PCYT2: variants seen among roughly 807,000 people sequenced by gnomAD.
The protein encoded by PCYT2 is ethanolamine-phosphate cytidylyltransferase.
Under a neutral mutation model 50.0 loss-of-function variants are expected in PCYT2, and 33 were observed. The observed-to-expected ratio is 0.66, with a 90% CI of 0.50 to 0.88. The LOEUF (loss-of-function observed/expected upper bound fraction) is 0.88. Ranked by LOEUF, PCYT2 falls within the 40% of genes least tolerant of loss-of-function variation. The pLI is 0.00. For missense variants in PCYT2, 430 were observed against 519.7 expected (o/e 0.83, Z 1.68); for synonymous variants, 240 against 203.7 (o/e 1.18, Z -1.52).
Position 81,907,256 on chromosome 17 carries a change from G to T in PCYT2, c.537+298C>A. ...GTCCCCGGCGGGTATCGGGTGAGGG[G>T]GCTACAATGGGAGAGAGGGCCAGGC... is the stretch of plus-strand genomic sequence containing the variant. On this transcript the variant is annotated intron_variant, in intron 6 of 12. Transcript: ENST00000538936. 2.0e-6 allele frequency: 3 copies of T among 1,533,116 alleles called. No homozygotes were observed. The highest frequency in any genetic ancestry group is 2.6e-6 in the Non-Finnish European group (3 of 1,145,314). The allele number at this position is 1,533,116 out of a possible 1,614,324, so 95.0% of individuals were successfully genotyped here. A position where few individuals can be genotyped will look rare whatever the true frequency, so the allele number is the denominator to read the frequency against.
At chr17:81,909,467 A>C (rs778482460) in intron 2 of PCYT2, 47 bp downstream of exon 2, 2 of 1,558,458 alleles carry the variant, frequency 1.3e-6, no homozygotes, top group South Asian at 1.1e-5. Context: ...GTCGCAACCC[A>C]CAGGAGGGCT....
intron 6 of PCYT2, 124 bp from the exon 7 acceptor site, chr17:81,907,022 G>T: frequency 8.3e-7 from 1 of 1,212,106 alleles, no homozygotes; most frequent in Non-Finnish European, 1.2e-6. Context: ...TCTCGGGCAG[G>T]GGACACACTG....
In PCYT2 at chr17:81,905,659, C is replaced by A. The variant is rs540809800; in HGVS notation, c.903+11G>T. 3.1e-6 allele frequency: 5 copies of A among 1,611,940 alleles called. No homozygotes were observed. The highest frequency in any genetic ancestry group is 3.4e-6 in the Non-Finnish European group (4 of 1,178,718). ...ACAGAGGGAACGAGGTGAGCCCATGCGGAGCCTCACCTTGAAGTGACTTAG... is the reference window on the plus strand; with the variant it reads ...ACAGAGGGAACGAGGTGAGCCCATGAGGAGCCTCACCTTGAAGTGACTTAG... On this transcript the variant is annotated intron_variant, in intron 10 of 12. Coordinates refer to ENST00000538936, the MANE Select transcript of PCYT2 (RefSeq NM_002861.5).
chr17:81,905,046 G>A lies in PCYT2; in HGVS notation c.1058+20C>T, dbSNP rs1302451033. 1.2e-6 allele frequency: 2 copies of A among 1,608,850 alleles called. No individual in the cohort carries two copies. The highest frequency in any genetic ancestry group is 8.5e-7 in the Non-Finnish European group (1 of 1,176,462). On this transcript the variant is annotated intron_variant, in intron 12 of 12. Coordinates refer to ENST00000538936, the MANE Select transcript of PCYT2 (RefSeq NM_002861.5). The stretch of plus-strand genomic sequence containing the variant: ...AGAGCGCCCATGAGGCGGCTCCGAG[G>A]TGCCCCCACCCAACTGCACCTGTTG...
intron 1 of PCYT2, among the ~76,000 whole-genome samples, chr17:81,910,558 C>T (rs1272109648): frequency 6.6e-6 from 1 of 152,180 alleles, no homozygotes; most frequent in Non-Finnish European, 1.5e-5. Flanking sequence ...GGGGCCTGGT[C>T]AGGGCAAGGT....
rs2040062611 is a variant in PCYT2 at position 81,903,462 on chromosome 17, C to T, written c.*1371G>A. 3 of 152,422 alleles carry T rather than the reference C, an allele frequency of 2.0e-5. No individual in the cohort carries two copies. Among genetic ancestry groups the T allele is most frequent in the African/African-American group, 7.2e-5 (3 of 41,462 alleles). 9.4% of individuals were successfully genotyped at this position (152,422 alleles called of 1,614,324 possible). On this transcript the variant is annotated 3_prime_UTR_variant, in exon 13 of 13. Transcript: ENST00000538936. ...GGCCCAGGCAGCAGCACTGCAGGGC[C>T]TTTCTACCCTCCCCAAGCCTGGGGC...
intron 6 of PCYT2, 91 bp downstream of exon 6, chr17:81,907,463 G>C: frequency 7.2e-7 from 1 of 1,392,832 alleles, no homozygotes; most frequent in South Asian, 1.2e-5. Flanking sequence ...GAGGCTCTGG[G>C]CTGGCCTTTC....
At chr17:81,906,661 C>T in intron 7 of PCYT2, 99 bp downstream of exon 7, 2 of 1,582,878 alleles carry the variant, frequency 1.3e-6, no homozygotes, top group Non-Finnish European at 8.7e-7. Context: ...CCCCTGCAAA[C>T]CAGCCAGCCC....
chr17:81,906,047 G>A (rs1372141105), intron 9 of PCYT2, 53 bp downstream of exon 9: 75 of 1,491,986 alleles, frequency 5.0e-5, no homozygotes, highest in Non-Finnish European at 6.7e-5. Context: ...TAGTAGGGGG[G>A]ATGTTGTGGG....
chr17:81,907,081 A>T, intron 6 of PCYT2, 183 bp from the exon 7 acceptor site: 1 of 1,050,506 alleles, frequency 9.5e-7, no homozygotes. Flanking sequence ...CAACCACAGC[A>T]GGCACCGCAG....
At chr17:81,907,730 A>T (rs773617842) in intron 5 of PCYT2, 43 bp downstream of exon 5, 2 of 1,598,276 alleles carry the variant, frequency 1.3e-6, no homozygotes, top group Non-Finnish European at 1.7e-6. Context: ...TTTCCCCTGG[A>T]GACCTCGACC....
rs1013590574 is a variant in PCYT2, at chr17:81,902,189, C to T, written c.*2644G>A. 2 of 1,161,480 alleles carry T rather than the reference C, an allele frequency of 1.7e-6. No homozygotes were observed. Among genetic ancestry groups the T allele is most frequent in the African/African-American group, 3.2e-5 (2 of 62,246 alleles). 71.9% of individuals were successfully genotyped at this position (1,161,480 alleles called of 1,614,324 possible). The stretch of plus-strand genomic sequence containing the variant: ...CGCCCCTCCCGGCCCTCCGCAGCCT[C>T]GGCCCGCCCTCGCCGCAGATATAAG... On this transcript the variant is annotated 3_prime_UTR_variant, in exon 13 of 13. Coordinates refer to ENST00000538936, the MANE Select transcript of PCYT2 (RefSeq NM_002861.5).
Position 81,904,765 on chromosome 17 carries a change from G to T in PCYT2, c.*68C>A. On this transcript the variant is annotated 3_prime_UTR_variant, in exon 13 of 13. Transcript: ENST00000538936. ...CAGTTAGAGAGGGCGGCCCTGCAGA[G>T]TCCTATGTCCAAACGCAGAAGGCGC... The T allele has an allele frequency of 9.3e-7, 1 of 1,074,266 alleles. No homozygotes were observed. The highest frequency in any genetic ancestry group is 1.4e-6 in the Non-Finnish European group (1 of 731,972). The allele number at this position is 1,074,266 out of a possible 1,614,324, so 66.5% of individuals were successfully genotyped here.
Position 81,908,562 on chromosome 17 carries a change from A to T in PCYT2, c.407+6T>A. ...CTGGATGGCCAGGCCCGCGGTGGAG[A>T]CTCACCTGTACCTCCCAGCCTGCTT... is the stretch of plus-strand genomic sequence containing the variant. On this transcript the variant is annotated splice_donor_region_variant and intron_variant, in intron 4 of 12. Transcript: ENST00000538936. The T allele has an allele frequency of 6.2e-7, 1 of 1,609,584 alleles. No individual in the cohort carries two copies. Among genetic ancestry groups the T allele is most frequent in the East Asian group, 2.2e-5 (1 of 44,862 alleles).
At chr17:81,907,719 C>T (rs1425447404) in intron 5 of PCYT2, 54 bp downstream of exon 5, 3 of 1,599,890 alleles carry the variant, frequency 1.9e-6, no homozygotes, top group Non-Finnish European at 2.6e-6. Flanking sequence ...GGTGCCCCTC[C>T]TTTCCCCTGG....
Position 81,902,253 on chromosome 17 carries a change from C to G in PCYT2, c.*2580G>C. On this transcript the variant is annotated 3_prime_UTR_variant, in exon 13 of 13. Transcript: ENST00000538936. ...TGGCTGCTCCGAGCCCGGACGCCGC[C>G]GCCCACCAGTCAGCCGGCGTCCCCA... 8.1e-7 allele frequency: 1 copy of G among 1,233,816 alleles called. No homozygotes were observed. Among genetic ancestry groups the G allele is most frequent in the South Asian group, 3.5e-5 (1 of 28,194 alleles). 76.4% of individuals were successfully genotyped at this position (1,233,816 alleles called of 1,614,324 possible).
In PCYT2 at chr17:81,911,391, C is replaced by G; in HGVS notation, c.-36G>C. ...CGGCGGCGCGGACAGCCTGGCAGCT[C>G]CCGGCGACTCCGAGCGCCGCCGCCC... On this transcript the variant is annotated 5_prime_UTR_variant, in exon 1 of 13. Coordinates refer to ENST00000538936, the MANE Select transcript of PCYT2 (RefSeq NM_002861.5). 1 of 997,262 alleles carries G rather than the reference C, an allele frequency of 1.0e-6. No homozygotes were observed. The highest frequency in any genetic ancestry group is 1.2e-6 in the Non-Finnish European group (1 of 836,430). The allele number at this position is 997,262 out of a possible 1,614,324, so 61.8% of individuals were successfully genotyped here.
At position 81,903,288 on chromosome 17, in the gene PCYT2, GC is replaced by G. The variant is rs899790919; in HGVS notation, c.*1544del. ...GCAGGGGCAAGGAGGAGAGTTGGGG[GC>G]CTGAGCCCTGGCTCCAGAGGCCCAG... On this transcript the variant is annotated 3_prime_UTR_variant, in exon 13 of 13. Transcript: ENST00000538936. 1.3e-5 allele frequency: 2 copies of G among 153,870 alleles called. No homozygotes were observed. Among genetic ancestry groups the G allele is most frequent in the African/African-American group, 4.8e-5 (2 of 41,538 alleles). 9.5% of individuals were successfully genotyped at this position (153,870 alleles called of 1,614,324 possible).
In PCYT2 at chr17:81,902,954, C is replaced by T; in HGVS notation, c.*1879G>A. The T allele has an allele frequency of 3.8e-6, 2 of 530,120 alleles. No homozygotes were observed. Among genetic ancestry groups the T allele is most frequent in the Non-Finnish European group, 6.5e-6 (2 of 307,174 alleles). The allele number at this position is 530,120 out of a possible 1,614,324, so 32.8% of individuals were successfully genotyped here. The stretch of plus-strand genomic sequence containing the variant: ...AGCCAGGCCACGAGGGGAACGGGAC[C>T]TGGAAATCCCCAAGCCTGGGTATGA... On this transcript the variant is annotated 3_prime_UTR_variant, in exon 13 of 13. Transcript: ENST00000538936.
Sources: gnomAD v4.1 joint callset for allele counts (sites outside exome capture counted in the v4.1 genomes callset) on GRCh38, gnomAD v4.1.1 for gene constraint, MANE v1.5 for transcripts, NCBI Gene and HGNC (gene_info 2026-07-23, HGNC 2026-07-21) for gene names.